MAPRE2: variants seen among roughly 807,000 people sequenced by gnomAD.
The protein encoded by MAPRE2 is microtubule-associated protein RP/EB family member 2.
In MAPRE2, 13 loss-of-function variants were observed where a neutral mutation model predicts 43.2. The observed-to-expected ratio is 0.30, with a 90% CI of 0.20 to 0.48. The LOEUF (loss-of-function observed/expected upper bound fraction) is 0.48, where lower values mean the gene tolerates loss of function less well. Ranked by LOEUF, MAPRE2 falls within the 20% of genes least tolerant of loss-of-function variation. The pLI, the probability that MAPRE2 is intolerant of heterozygous loss-of-function variation, is 0.99. For synonymous variants in MAPRE2, 135 were observed against 148.8 expected, an observed-to-expected ratio of 0.91 and a Z score of 0.68; for missense variants, 161 against 400.2, an observed-to-expected ratio of 0.40 and a Z score of 5.10.
At chr18:34,988,330 G>A (rs998569903) in intron 1 of MAPRE2, among the ~76,000 whole-genome samples, 2 of 152,120 alleles carry the variant, frequency 1.3e-5, no homozygotes, top group Non-Finnish European at 1.5e-5. Context: ...TTATAGTATT[G>A]TATCATAGAA....
At chr18:35,133,347 T>C (rs189090261) in intron 6 of MAPRE2, among the ~76,000 whole-genome samples, 129 of 152,264 alleles carry the variant, frequency 8.5e-4, no homozygotes, top group African/African-American at 3.0e-3. Flanking sequence ...ATCCACCTGG[T>C]TTCCATGATG....
At chr18:34,985,506 A>G (rs1163323122) in intron 1 of MAPRE2, among the ~76,000 whole-genome samples, 5 of 63,596 alleles carry the variant, frequency 7.9e-5, no homozygotes, top group Non-Finnish European at 1.0e-4. Context: ...TATATAATAT[A>G]TAATATATAT....
intron 1 of MAPRE2, among the ~76,000 whole-genome samples, chr18:34,993,147 C>T (rs547835443): frequency 1.6e-4 from 25 of 151,992 alleles, no homozygotes; most frequent in African/African-American, 5.8e-4. Context: ...CACTCTTGCT[C>T]AGATTGGATT....
chr18:35,043,794 GAGAC>G (rs1905485499), intron 1 of MAPRE2, among the ~76,000 whole-genome samples: 1 of 152,178 alleles, frequency 6.6e-6, no homozygotes, highest in Non-Finnish European at 1.5e-5. Context: ...GGTGCACATG[GAGAC>G]AGACACATTC....
chr18:35,060,804 G>A (rs1332564188), intron 1 of MAPRE2, among the ~76,000 whole-genome samples: 1 of 152,194 alleles, frequency 6.6e-6, no homozygotes, highest in African/African-American at 2.4e-5. Context: ...AGTGGATGAG[G>A]TTAATGCAGA....
At chr18:35,041,692 G>C (rs1365254548) in intron 1 of MAPRE2, 31 bp downstream of exon 1, 1 of 1,613,860 alleles carries the variant, frequency 6.2e-7, no homozygotes, top group South Asian at 1.1e-5. Flanking sequence ...GCAGCGCCGG[G>C]GACCGCCGTG....
intron 1 of MAPRE2, among the ~76,000 whole-genome samples, chr18:35,001,181 G>A (rs1331219750): frequency 1.3e-5 from 2 of 152,120 alleles, no homozygotes; most frequent in Non-Finnish European, 2.9e-5. Flanking sequence ...TTCCTAGATA[G>A]TGTGAACTTA....
At chr18:35,030,583 C>A (rs2097047373) in intron 2 of MAPRE2, among the ~76,000 whole-genome samples, 1 of 152,162 alleles carries the variant, frequency 6.6e-6, no homozygotes, top group African/African-American at 2.4e-5. Flanking sequence ...AAAGTACCTC[C>A]TCATTGTTAA....
chr18:34,985,046 A>AATAAAATATATTATAAAAAT (rs1568961129), intron 1 of MAPRE2, among the ~76,000 whole-genome samples: 34 of 53,306 alleles, frequency 6.4e-4, no homozygotes, highest in African/African-American at 2.7e-3. Flanking sequence ...TAATATATAA[A>AATAAAATATATTATAAAAAT]ATATATTATA....
intron 2 of MAPRE2, among the ~76,000 whole-genome samples, chr18:35,010,699 T>C (rs2097034137): frequency 6.6e-6 from 1 of 152,176 alleles, no homozygotes. Flanking sequence ...TAACTAGGCT[T>C]AAGTAGAGGT....
At chr18:35,119,825 T>C (rs748098256) in intron 4 of MAPRE2, among the ~76,000 whole-genome samples, 4 of 152,236 alleles carry the variant, frequency 2.6e-5, no homozygotes, top group Non-Finnish European at 4.4e-5. Flanking sequence ...TAAATAAAAA[T>C]GAGCCTTATT....
At chr18:35,102,226 T>C (rs774738320) in intron 4 of MAPRE2, 67 bp downstream of exon 4, 9 of 1,176,352 alleles carry the variant, frequency 7.7e-6, no homozygotes, top group Non-Finnish European at 1.1e-5. Context: ...CTTCTGTTAT[T>C]TACTGTGTGT....
upstream of MAPRE2, among the ~76,000 whole-genome samples, chr18:35,037,250 CATGTTACTTAAAA>C: frequency 6.6e-6 from 1 of 151,880 alleles, no homozygotes; most frequent in Non-Finnish European, 1.5e-5. Flanking sequence ...ATATGCCTAA[CATGTTACTTAAAA>C]ATTACATTTA....
chr18:35,101,892 G>C (rs1330503450), intron 3 of MAPRE2, 54 bp from the exon 4 acceptor site: 1 of 1,265,284 alleles, frequency 7.9e-7, no homozygotes, highest in Non-Finnish European at 1.1e-6. Context: ...CCTTTCTTTT[G>C]GGTATATACC....
At chr18:35,062,884 C>G (rs1906605351) in intron 1 of MAPRE2, among the ~76,000 whole-genome samples, 1 of 152,128 alleles carries the variant, frequency 6.6e-6, no homozygotes, top group Non-Finnish European at 1.5e-5. Flanking sequence ...CTCGTTGTTT[C>G]ATTTATGTGA....
At chr18:35,015,171 T>C (rs1603390244) in intron 2 of MAPRE2, among the ~76,000 whole-genome samples, 1 of 152,062 alleles carries the variant, frequency 6.6e-6, no homozygotes, top group Non-Finnish European at 1.5e-5. Flanking sequence ...GAATAACAAG[T>C]CCTGCCATCA....
chr18:35,007,740 C>T (rs2097032484), intron 2 of MAPRE2, among the ~76,000 whole-genome samples: 1 of 152,200 alleles, frequency 6.6e-6, no homozygotes, highest in African/African-American at 2.4e-5. Context: ...GTTGCACCCT[C>T]CTTTATTTAA....
intron 5 of MAPRE2, among the ~76,000 whole-genome samples, chr18:35,129,691 G>A (rs139666177): frequency 1.3e-5 from 2 of 152,324 alleles, no homozygotes; most frequent in East Asian, 1.9e-4. Flanking sequence ...GATGGGTGTC[G>A]ATTAGCCCAG....
intron 5 of MAPRE2, among the ~76,000 whole-genome samples, chr18:35,130,627 G>T (rs1910104867): frequency 6.6e-6 from 1 of 152,098 alleles, no homozygotes; most frequent in Non-Finnish European, 1.5e-5. Flanking sequence ...TATTAGGGGT[G>T]ATTTTTAAGG....
Sources: gnomAD v4.1 joint callset for allele counts (sites outside exome capture counted in the v4.1 genomes callset) on GRCh38, gnomAD v4.1.1 for gene constraint, MANE v1.5 for transcripts, NCBI Gene and HGNC (gene_info 2026-07-23, HGNC 2026-07-21) for gene names.